The following USP34 variants were observed in gnomAD, a reference collection of about 807,000 sequenced individuals.
USP34 encodes the protein ubiquitin specific peptidase 34.
USP34 carries 70 observed loss-of-function variants against 460.3 expected under a neutral mutation model. The observed-to-expected ratio is 0.15, with a 90% CI of 0.13 to 0.19. The LOEUF is 0.19. Among genes scored for constraint, USP34 ranks in the 10% least tolerant of loss-of-function variants. USP34 has a pLI of 1.00. For missense variants in USP34, 3,985 were observed against 4,236.2 expected (o/e 0.94, Z 1.65); for synonymous variants, 1,647 against 1,405.3 (o/e 1.17, Z -3.85).
At chr2:61,452,258 T>C (rs1366916549) in intron 1 of USP34, among the ~76,000 whole-genome samples, 1 of 151,240 alleles carries the variant, frequency 6.6e-6, no homozygotes, top group Non-Finnish European at 1.5e-5. Flanking sequence ...AAAAGACTAC[T>C]TGCCATTAAA....
intron 44 of USP34, among the ~76,000 whole-genome samples, chr2:61,258,333 A>T (rs1572877917): frequency 6.6e-6 from 1 of 152,314 alleles, no homozygotes; most frequent in East Asian, 1.9e-4. Context: ...CAAAAAATAA[A>T]AATAGTCAAA....
chr2:61,294,532 C>T (rs1156877656), intron 32 of USP34, among the ~76,000 whole-genome samples: 2 of 152,154 alleles, frequency 1.3e-5, no homozygotes, highest in Non-Finnish European at 2.9e-5. Context: ...GATTCTCCTG[C>T]CTCAGCCACC....
chr2:61,203,532 T>G (rs1049356450), intron 74 of USP34, among the ~76,000 whole-genome samples: 1 of 152,280 alleles, frequency 6.6e-6, no homozygotes, highest in South Asian at 2.1e-4. Flanking sequence ...TGTGACACTT[T>G]AGCTCTACAG....
In USP34 at chr2:61,278,146, T is replaced by C. The variant is rs1244240160; in HGVS notation, c.5433+19A>G. On this transcript the variant is annotated intron_variant, in intron 41 of 79. Transcript: ENST00000398571. ...TTCAATCACATTTCATAGAAACATTTGATTATCTTAACACTTACCTGTCCT... is the reference window on the plus strand; with the variant it reads ...TTCAATCACATTTCATAGAAACATTCGATTATCTTAACACTTACCTGTCCT... 6.2e-7 allele frequency: 1 copy of C among 1,609,160 alleles called. No individual in the cohort carries two copies. The highest frequency in any genetic ancestry group is 1.7e-5 in the Admixed American group (1 of 59,348).
chr2:61,394,621 A>G (rs756762166), intron 5 of USP34, among the ~76,000 whole-genome samples: 4 of 152,058 alleles, frequency 2.6e-5, no homozygotes, highest in Non-Finnish European at 5.9e-5. Flanking sequence ...TAAAATAGAT[A>G]ATTATAGATA....
intron 1 of USP34, among the ~76,000 whole-genome samples, chr2:61,437,053 T>G (rs1330627427): frequency 2.0e-5 from 3 of 152,124 alleles, no homozygotes; most frequent in Non-Finnish European, 4.4e-5. Flanking sequence ...GGTGCACTGC[T>G]AAGAGGGAAG....
chr2:61,447,192 T>C (rs927054919), intron 1 of USP34, among the ~76,000 whole-genome samples: 3 of 134,116 alleles, frequency 2.2e-5, no homozygotes, highest in African/African-American at 8.6e-5. Context: ...AAGGCAGAGG[T>C]TGCAGTGAGC....
chr2:61,348,461 G>C lies in USP34; in HGVS notation c.1694C>G (p.Ser565Cys). The stretch of plus-strand genomic sequence containing the variant: ...TTCACCACTGTTGGCAGTTTCGTCA[G>C]AACTTCCCTGCATGGATTCCTGTAT... ...SDTEESMQGS[S>C]DETANSGEDG... is the part of the protein sequence containing the mutation. Residue 565 changes from serine (S) to cysteine (C), a missense_variant, in exon 15 of 80, where the codon TCT becomes TGT. Transcript: ENST00000398571. 1.2e-6 allele frequency: 2 copies of C among 1,612,260 alleles called. No homozygotes were observed. Among genetic ancestry groups the C allele is most frequent in the South Asian group, 1.1e-5 (1 of 91,062 alleles).
chr2:61,352,532 G>A (rs986505224), intron 10 of USP34, among the ~76,000 whole-genome samples: 21 of 151,650 alleles, frequency 1.4e-4, no homozygotes, highest in Non-Finnish European at 2.1e-4. Context: ...TCATGATATT[G>A]CCCAGTCTAA....
At position 61,220,332 on chromosome 2, in the gene USP34, G is replaced by A. The variant is rs1448249497; in HGVS notation, c.8025C>T (p.His2675=). ...TACAAGTCCTCACTCTAGGATAATT[G>A]TGAGCCAAAAGAAACCGCTCGACCC... ...ENWVERFLLA[H]NYPRVRTSAA... Residue 2675 remains histidine (H), a synonymous_variant, in exon 67 of 80, where the codon CAC becomes CAT. Transcript: ENST00000398571. 2.5e-6 allele frequency: 4 copies of A among 1,613,506 alleles called. No individual in the cohort carries two copies. The highest frequency in any genetic ancestry group is 2.2e-5 in the East Asian group (1 of 44,848).
At chr2:61,313,304 T>G (rs1158579010) in intron 25 of USP34, among the ~76,000 whole-genome samples, 2 of 152,104 alleles carry the variant, frequency 1.3e-5, no homozygotes, top group Non-Finnish European at 2.9e-5. Context: ...ATTCATTAAA[T>G]TTATAAAACC....
intron 18 of USP34, among the ~76,000 whole-genome samples, chr2:61,337,525 C>T (rs1691460698): frequency 6.6e-6 from 1 of 152,146 alleles, no homozygotes. Context: ...GTGATCACGA[C>T]TCACTGCAGC....
chr2:61,400,115 T>TC (rs1336009942), intron 3 of USP34, among the ~76,000 whole-genome samples: 1 of 151,594 alleles, frequency 6.6e-6, no homozygotes. Context: ...AGGCAATTTT[T>TC]TTTTTTTTTT....
In USP34 at chr2:61,281,222, T is replaced by A. The variant is rs370121757; in HGVS notation, c.5019A>T (p.Ser1673=). The part of the protein sequence containing the change: ...LIPETAVRHE[S]CSGLYKLSLS... ...GGGATAACTTATAGAGACCACTGCA[T>A]GATTCATGACGAACTGCAGTCTAGA... is the stretch of plus-strand genomic sequence containing the variant. Residue 1673 remains serine, a synonymous_variant, in exon 38 of 80, where the codon TCA becomes TCT. Transcript: ENST00000398571. 1 of 1,613,850 alleles carries A rather than the reference T, an allele frequency of 6.2e-7. No homozygotes were observed. Among genetic ancestry groups the A allele is most frequent in the Admixed American group, 1.7e-5 (1 of 59,942 alleles).
chr2:61,283,156 G>T lies in USP34; in HGVS notation c.4987C>A (p.Leu1663Ile). ...AATCTTTATCTTACCTCAGGAATAA[G>T]GAGAGTCAATTTCTTTAGCCAATCT... Reference protein sequence around the residue: ...LQDWLKKLTLLIPETAVRHES... With the variant: ...LQDWLKKLTLIIPETAVRHES... Residue 1663 changes from leucine to isoleucine, a missense_variant, in exon 37 of 80, where the codon CTT becomes ATT. This residue lies in a region of USP34 where 1,114 missense variants were observed against 1,122.5 expected (regional missense o/e 0.99). Coordinates refer to ENST00000398571, the MANE Select transcript of USP34 (RefSeq NM_014709.4). 1.2e-6 allele frequency: 2 copies of T among 1,613,144 alleles called. No homozygotes were observed. The highest frequency in any genetic ancestry group is 1.7e-6 in the Non-Finnish European group (2 of 1,179,534).
rs564593671 is a variant in USP34, at chr2:61,342,127, T to TCAA, written c.2500+1685_2500+1687dup. On this transcript the variant is annotated intron_variant, in intron 16 of 79. Coordinates refer to ENST00000398571, the MANE Select transcript of USP34 (RefSeq NM_014709.4). ...TCTCCAAAGTGATTATATTTTATGTTCAACAGCAAGTTATGACAGTTCCAG... is the reference window on the plus strand; with the variant it reads ...TCTCCAAAGTGATTATATTTTATGTTCAACAACAGCAAGTTATGACAGTTCCAG... Among the ~76,000 whole-genome samples the TCAA allele has an allele frequency of 8.5e-5, 13 of 152,204 alleles. No homozygotes were observed. The South Asian group carries it at 2.7e-3, about 32-fold the overall frequency.
At chr2:61,442,525 A>C (rs1320696940) in intron 1 of USP34, among the ~76,000 whole-genome samples, 1 of 152,168 alleles carries the variant, frequency 6.6e-6, no homozygotes, top group Non-Finnish European at 1.5e-5. Flanking sequence ...AACATCACTA[A>C]CCATCAGGAA....
chr2:61,429,985 G>A (rs866088535), intron 1 of USP34, among the ~76,000 whole-genome samples: 14 of 152,116 alleles, frequency 9.2e-5, no homozygotes, highest in African/African-American at 1.4e-4. Context: ...AGGCCGAGGC[G>A]GGTGGATCAC....
Position 61,214,690 on chromosome 2 carries a change from T to C in USP34, c.8052A>G (p.Ala2684=). Residue 2684 remains alanine (A), a synonymous_variant, in exon 68 of 80, where the codon GCA becomes GCG. Transcript: ENST00000398571. ...GTATAAGGGACACCAGAAGATAAGC[T>C]GCAGCTATAAAATGTAAAACAAAAC... ...AHNYPRVRTS[A]AYLLVSLIPS... 6.2e-7 allele frequency: 1 copy of C among 1,613,544 alleles called. No individual in the cohort carries two copies. The highest frequency in any genetic ancestry group is 8.5e-7 in the Non-Finnish European group (1 of 1,179,796).
Sources: allele counts gnomAD v4.1 joint callset (sites outside exome capture counted in the v4.1 genomes callset), GRCh38; gene constraint gnomAD v4.1.1; regional missense constraint gnomAD v4.1.1; transcripts MANE v1.5; gene names NCBI Gene and HGNC (gene_info 2026-07-23, HGNC 2026-07-21).